The following DCAF1 variants were observed in gnomAD, a reference collection of about 807,000 sequenced individuals.
DCAF1 encodes DDB1- and CUL4-associated factor 1.
A neutral mutation model predicts 128.0 loss-of-function variants in DCAF1; 15 were observed. That is an observed-to-expected ratio of 0.12 (90% CI 0.08 to 0.18). The LOEUF (loss-of-function observed/expected upper bound fraction) is 0.18, where lower values mean the gene tolerates loss of function less well. Among genes scored for constraint, DCAF1 ranks in the 10% least tolerant of loss-of-function variants. DCAF1 has a pLI of 1.00. For synonymous variants in DCAF1, 610 were observed against 603.0 expected (o/e 1.01, Z -0.17); for missense variants, 988 against 1,649.5 (o/e 0.60, Z 6.95).
At chr3:51,439,572 G>A (rs1489680546) in intron 9 of DCAF1, among the ~76,000 whole-genome samples, 1 of 151,510 alleles carries the variant, frequency 6.6e-6, no homozygotes, top group East Asian at 1.9e-4. Flanking sequence ...CTCCTGAGTA[G>A]CTAGGATTAC....
chr3:51,425,406 A>C (rs1290883505), intron 13 of DCAF1, among the ~76,000 whole-genome samples: 2 of 151,972 alleles, frequency 1.3e-5, no homozygotes, highest in Non-Finnish European at 2.9e-5. Context: ...TGGGAGGTGG[A>C]GGTTGGAGTG....
Position 51,472,959 on chromosome 3 carries a change from C to T in DCAF1, c.111-1954G>A, listed in dbSNP as rs554329307. The stretch of plus-strand genomic sequence containing the variant: ...GGTTATAGGCGTGAGCCACCACGCC[C>T]GGTTATTCATGCATTATTTATAAAA... On this transcript the variant is annotated intron_variant, in intron 3 of 24. Transcript: ENST00000684031. 5.2e-4 allele frequency among the ~76,000 whole-genome samples: 78 copies of T among 151,446 alleles called. No homozygotes were observed. The Middle Eastern group carries it at 0.01, about 20-fold the overall frequency.
In DCAF1 at chr3:51,465,270, G is replaced by A. The variant is rs376830058; in HGVS notation, c.261+1533C>T. On this transcript the variant is annotated intron_variant, in intron 5 of 24. Coordinates refer to ENST00000684031, the MANE Select transcript of DCAF1 (RefSeq NM_001387579.1). The stretch of plus-strand genomic sequence containing the variant: ...GACACTTTATAGCTGACTAGACAAG[G>A]ACATCGTTACTGAGCTAGAGAACAA... 8.5e-5 allele frequency among the ~76,000 whole-genome samples: 13 copies of A among 152,268 alleles called. No homozygotes were observed. In the South Asian group the frequency reaches 1.5e-3, roughly 17 times the overall value.
At chr3:51,465,513 G>A (rs1342770140) in intron 5 of DCAF1, among the ~76,000 whole-genome samples, 3 of 152,134 alleles carry the variant, frequency 2.0e-5, no homozygotes, top group Admixed American at 2.0e-4. Context: ...GGAGGCCGAG[G>A]CAGGTGGATC....
In DCAF1 at chr3:51,398,164, G is replaced by A. The variant is rs1420042358; in HGVS notation, c.*605C>T. 2 of 151,978 alleles carry A rather than the reference G, an allele frequency of 1.3e-5. No homozygotes were observed. The highest frequency in any genetic ancestry group is 2.4e-5 in the African/African-American group (1 of 41,446). 9.4% of individuals were successfully genotyped at this position (151,978 alleles called of 1,614,324 possible). A position where few individuals can be genotyped will look rare whatever the true frequency, so the allele number is the denominator to read the frequency against. On this transcript the variant is annotated 3_prime_UTR_variant, in exon 25 of 25. Transcript: ENST00000684031. ...AACAAATTAACCTGACAGCATATGA[G>A]GCAACAAAACAGGTTAAAAAATCAT...
intron 2 of DCAF1, 52 bp from the exon 3 acceptor site, chr3:51,483,888 C>G (rs1706585206): frequency 7.9e-7 from 1 of 1,273,300 alleles, no homozygotes; most frequent in Non-Finnish European, 1.1e-6. Context: ...TGAACACAAG[C>G]AAATAAAAGT....
intron 6 of DCAF1, among the ~76,000 whole-genome samples, chr3:51,444,660 T>C (rs1553639811): frequency 6.6e-6 from 1 of 150,628 alleles, no homozygotes; most frequent in Non-Finnish European, 1.5e-5. Context: ...CCTCCCAAAC[T>C]TATTTTATTG....
At chr3:51,502,019 A>G (rs532178325), upstream of DCAF1, among the ~76,000 whole-genome samples, 129 of 152,172 alleles carry the variant, frequency 8.5e-4, 1 homozygote, top group Non-Finnish European at 1.6e-3. Flanking sequence ...GCACTCCTTC[A>G]GGTGACTTTC....
chr3:51,492,988 C>T (rs1707832491), intron 2 of DCAF1, among the ~76,000 whole-genome samples: 1 of 151,232 alleles, frequency 6.6e-6, no homozygotes, highest in South Asian at 2.1e-4. Flanking sequence ...AGCAAGACTC[C>T]CTCTCAAAAA....
intron 9 of DCAF1, among the ~76,000 whole-genome samples, chr3:51,440,586 G>C (rs1351586814): frequency 7.2e-5 from 11 of 152,188 alleles, no homozygotes; most frequent in African/African-American, 2.7e-4. Context: ...CTGGGTGACA[G>C]AGTGAGACCT....
At position 51,466,812 on chromosome 3, in the gene DCAF1, G is replaced by A. The variant is rs1401571402; in HGVS notation, c.252C>T (p.Phe84=). Residue 84 remains phenylalanine, a synonymous_variant, in exon 5 of 25, where the codon TTC becomes TTT. Coordinates refer to ENST00000684031, the MANE Select transcript of DCAF1 (RefSeq NM_001387579.1). ...LLRILFKNDD[F]MNALVNAYVM... ...TAAGAAGCAAACCTACTGCATTCAT[G>A]AAATCATCATTCTTGAAGAGTATTC... 2 of 1,613,362 alleles carry A rather than the reference G, an allele frequency of 1.2e-6. No homozygotes were observed. Among genetic ancestry groups the A allele is most frequent in the African/African-American group, 1.3e-5 (1 of 74,906 alleles).
At chr3:51,437,577 A>G (rs1165227703) in intron 9 of DCAF1, among the ~76,000 whole-genome samples, 3 of 152,270 alleles carry the variant, frequency 2.0e-5, no homozygotes, top group Non-Finnish European at 2.9e-5. Flanking sequence ...GCACTTTGGG[A>G]GGGTGGCAGA....
rs1553645162 is a variant in DCAF1, at chr3:51,463,105, A to T, written c.375+9T>A. 6.4e-7 allele frequency: 1 copy of T among 1,557,760 alleles called. No individual in the cohort carries two copies. Among genetic ancestry groups the T allele is most frequent in the East Asian group, 2.3e-5 (1 of 43,714 alleles). On this transcript the variant is annotated intron_variant, in intron 6 of 24. Transcript: ENST00000684031. ...AAATAAAATTATGACTTTACTTTTC[A>T]CTAAGTACCTTTTCTTGAAAGACGA...
At chr3:51,452,417 T>C (rs928438369) in intron 6 of DCAF1, among the ~76,000 whole-genome samples, 2 of 152,164 alleles carry the variant, frequency 1.3e-5, no homozygotes, top group Non-Finnish European at 2.9e-5. Context: ...GTACAGATCA[T>C]CATGTAATCA....
chr3:51,501,241 G>T (rs959561548), upstream of DCAF1, among the ~76,000 whole-genome samples: 6 of 152,152 alleles, frequency 3.9e-5, no homozygotes, highest in African/African-American at 1.4e-4. Flanking sequence ...GACCTCACAG[G>T]TCACTTAATT....
intron 24 of DCAF1, among the ~76,000 whole-genome samples, chr3:51,400,352 G>A (rs1037374648): frequency 6.6e-6 from 1 of 152,104 alleles, no homozygotes; most frequent in African/African-American, 2.4e-5. Context: ...TGGTCCCTGC[G>A]GCAGCATCCA....
intron 23 of DCAF1, among the ~76,000 whole-genome samples, chr3:51,408,008 A>AAAAAAAAAAAT: frequency 6.7e-6 from 1 of 149,880 alleles, no homozygotes. Context: ...AAAAAAAAAA[A>AAAAAAAAAAAT]ACAACCAGAT....
intron 23 of DCAF1, among the ~76,000 whole-genome samples, chr3:51,407,475 C>G (rs1553627041): frequency 6.6e-6 from 1 of 152,182 alleles, no homozygotes. Flanking sequence ...GGAGAACACA[C>G]AGGAAGCACA....
At chr3:51,495,567 T>C (rs1478214006) in intron 2 of DCAF1, among the ~76,000 whole-genome samples, 2 of 151,730 alleles carry the variant, frequency 1.3e-5, no homozygotes, top group African/African-American at 2.4e-5. Context: ...ACTTAACTAA[T>C]AATAGCAATG....
Sources: gnomAD v4.1 joint callset for allele counts (sites outside exome capture counted in the v4.1 genomes callset) on GRCh38, gnomAD v4.1.1 for gene constraint, MANE v1.5 for transcripts, NCBI Gene and HGNC (gene_info 2026-07-23, HGNC 2026-07-21) for gene names.